COL5A3: variants seen among roughly 807,000 people sequenced by gnomAD.
COL5A3 encodes collagen alpha-3(V) chain.
A neutral mutation model predicts 250.0 loss-of-function variants in COL5A3; 172 were observed. The observed-to-expected ratio is 0.69, with a 90% confidence interval of 0.61 to 0.78. The LOEUF is 0.78. COL5A3 is among the 30% of genes least tolerant of loss of function. The pLI is 0.00. For missense variants in COL5A3, 2,340 were observed against 2,334.4 expected (o/e 1.00, Z -0.05); for synonymous variants, 937 against 900.4 (o/e 1.04, Z -0.73).
chr19:9,986,510 A>C (rs2145109019), intron 29 of COL5A3, 43 bp downstream of exon 29: 1 of 1,535,054 alleles, frequency 6.5e-7, no homozygotes, highest in Non-Finnish European at 8.8e-7. Context: ...ATCTTCCCCG[A>C]GCCCCCAGAC....
intron 56 of COL5A3, 58 bp from the exon 57 acceptor site, chr19:9,969,460 C>A (rs541073553): frequency 1.9e-5 from 30 of 1,593,222 alleles, no homozygotes; most frequent in African/African-American, 2.7e-5. Flanking sequence ...AGTGTGGACC[C>A]CCCCCCGACC....
intron 3 of COL5A3, 24 bp from the exon 4 acceptor site, chr19:10,005,738 G>A (rs534098987): frequency 2.5e-5 from 40 of 1,600,290 alleles, no homozygotes; most frequent in East Asian, 2.0e-4. Flanking sequence ...GCCTCAGTGC[G>A]GGTGCTTCTC....
chr19:9,996,015 C>A, intron 15 of COL5A3, 51 bp downstream of exon 15: 1 of 1,468,662 alleles, frequency 6.8e-7, no homozygotes, highest in Non-Finnish European at 9.1e-7. Flanking sequence ...TCTTGTGGTC[C>A]TGGGGGAAGG....
chr19:9,981,939 G>A (rs1406997211), intron 32 of COL5A3, 126 bp downstream of exon 32: 5 of 756,602 alleles, frequency 6.6e-6, no homozygotes, highest in South Asian at 1.5e-5. Context: ...ATAATAGCAT[G>A]TGTGCACACA....
intron 31 of COL5A3, among the ~76,000 whole-genome samples, chr19:9,984,312 T>G (rs550483020): frequency 6.6e-6 from 1 of 152,274 alleles, no homozygotes; most frequent in South Asian, 2.1e-4. Context: ...CATGAGCCAC[T>G]GCGCCCAGCC....
chr19:10,005,400 G>T (rs11085529), intron 4 of COL5A3, among the ~76,000 whole-genome samples, 158 bp downstream of exon 4: 54 of 152,076 alleles, frequency 3.6e-4, no homozygotes, highest in Non-Finnish European at 7.3e-5. Context: ...CACAATCACA[G>T]GCTGCAACGG....
chr19:9,992,983 C>A, intron 20 of COL5A3, 40 bp downstream of exon 20: 2 of 1,611,450 alleles, frequency 1.2e-6, no homozygotes, highest in East Asian at 4.5e-5. Context: ...GACTCCCTCC[C>A]CTGCACCAAG....
chr19:10,005,946 A>G lies in COL5A3; in HGVS notation c.287T>C (p.Leu96Ser), dbSNP rs750754758. 1.4e-5 allele frequency: 23 copies of G among 1,614,040 alleles called. No individual in the cohort carries two copies. The highest frequency in any genetic ancestry group is 1.9e-5 in the Non-Finnish European group (23 of 1,179,976). The change falls in exon 3 of 67, where the codon TTG (leucine) becomes TCG (serine). Residue 96 changes from leucine to serine, a missense_variant. Transcript: ENST00000264828. The stretch of plus-strand genomic sequence containing the variant: ...AGACTGATTGGCTGGCTGTCCCCGC[A>G]AGGTGATCAGCAAGGAGAAGTTCTC... ...FPENFSLLIT[L>S]RGQPANQSVL...
At chr19:9,977,199 C>A (rs755549385) in intron 44 of COL5A3, 30 bp downstream of exon 44, 2 of 1,609,728 alleles carry the variant, frequency 1.2e-6, no homozygotes, top group East Asian at 2.2e-5. Flanking sequence ...CTACCCACCC[C>A]ACCCTGCCCC....
chr19:9,966,382 A>G lies in COL5A3; in HGVS notation c.4714T>C (p.Phe1572Leu). Residue 1572 changes from phenylalanine to leucine, a missense_variant, in exon 64 of 67, where the codon TTC becomes CTC. Phe to Leu is a conservative substitution (Grantham distance 22). Coordinates refer to ENST00000264828, the MANE Select transcript of COL5A3 (RefSeq NM_015719.4). ...DPNQGCARDS[F>L]RVFCNFTAGG... ...GCCGTGAAGTTGCAAAAAACCCTGAACGAGTCCCGCGCGCAGCCCTGGTTG... is the reference window on the plus strand; with the variant it reads ...GCCGTGAAGTTGCAAAAAACCCTGAGCGAGTCCCGCGCGCAGCCCTGGTTG... The G allele has an allele frequency of 6.2e-7, 1 of 1,609,958 alleles. No individual in the cohort carries two copies.
At chr19:9,995,260 T>C (rs1004735568) in intron 16 of COL5A3, among the ~76,000 whole-genome samples, 2 of 152,220 alleles carry the variant, frequency 1.3e-5, no homozygotes, top group African/African-American at 4.8e-5. Context: ...GAAGTTGACT[T>C]GTTTGTCATT....
In COL5A3 at chr19:9,968,355, C is replaced by T; in HGVS notation, c.4314+30G>A. The T allele has an allele frequency of 6.6e-7, 1 of 1,504,002 alleles. No homozygotes were observed. Among genetic ancestry groups the T allele is most frequent in the Admixed American group, 1.9e-5 (1 of 53,526 alleles). The allele number at this position is 1,504,002 out of a possible 1,614,324, so 93.2% of individuals were successfully genotyped here. On this transcript the variant is annotated intron_variant, in intron 59 of 66. Coordinates refer to ENST00000264828, the MANE Select transcript of COL5A3 (RefSeq NM_015719.4). The surrounding 1 kb of genome is among the most constrained non-coding windows in gnomAD (Gnocchi z 4.1). ...CTCAACCGACCCCCTCCTTCAAATGCATTCTTCCCGCTCAGGTCAGGACAC... is the reference window on the plus strand; with the variant it reads ...CTCAACCGACCCCCTCCTTCAAATGTATTCTTCCCGCTCAGGTCAGGACAC...
chr19:9,970,579 G>A, intron 54 of COL5A3, 43 bp downstream of exon 54: 1 of 1,320,142 alleles, frequency 7.6e-7, no homozygotes, highest in Non-Finnish European at 9.9e-7. Context: ...GTGAGTGGGG[G>A]CTGTAGATAA....
chr19:9,988,390 A>C (rs1036132799), intron 27 of COL5A3, among the ~76,000 whole-genome samples: 1 of 152,182 alleles, frequency 6.6e-6, no homozygotes, highest in Non-Finnish European at 1.5e-5. Context: ...GTTCAGGTAA[A>C]TTACATCTGT....
In COL5A3 at chr19:9,969,889, C is replaced by T; in HGVS notation, c.3970G>A (p.Glu1324Lys). Residue 1324 changes from glutamate to lysine, a missense_variant, in exon 55 of 67, where the codon GAA becomes AAA. Glu to Lys is a moderately conservative substitution (Grantham distance 56). Around this residue, in one of 3 missense-constraint regions of COL5A3, gnomAD observed 1,179 missense variants for 1,162.6 expected, o/e 1.01. Transcript: ENST00000264828. ...CTCACCTTGGCACCTTTCTCCCCTT[C>T]TCTGCCTTCTCGACCCATGTGGCCT... is the stretch of plus-strand genomic sequence containing the variant. ...PSGHMGREGR[E>K]GEKGAKGEPG... is the part of the protein sequence containing the mutation. The T allele has an allele frequency of 1.2e-6, 2 of 1,613,770 alleles. No individual in the cohort carries two copies. Among genetic ancestry groups the T allele is most frequent in the Non-Finnish European group, 1.7e-6 (2 of 1,179,928 alleles).
chr19:9,964,402 C>T (rs2086709930), intron 64 of COL5A3, among the ~76,000 whole-genome samples: 1 of 152,040 alleles, frequency 6.6e-6, no homozygotes, highest in Non-Finnish European at 1.5e-5. Context: ...GAGTTCAAGA[C>T]CAGCCTGGGC....
chr19:9,987,582 CA>C (rs111362937), intron 27 of COL5A3, among the ~76,000 whole-genome samples: 24,032 of 147,656 alleles, frequency 0.16, 2,602 homozygotes, highest in African/African-American at 0.31. Context: ...ACAAAAAGTA[CA>C]AAAAAAAAAG....
intron 22 of COL5A3, 41 bp from the exon 23 acceptor site, chr19:9,991,882 A>T: frequency 6.3e-7 from 1 of 1,597,248 alleles, no homozygotes; most frequent in East Asian, 2.2e-5. Flanking sequence ...AAGAGGGGTC[A>T]TGGTGTTGGG....
In COL5A3 at chr19:9,967,351, G is replaced by C; in HGVS notation, c.4454C>G (p.Pro1485Arg). The change falls in exon 62 of 67, where the codon CCC becomes CGC. Residue 1485 changes from proline (P) to arginine (R), a missense_variant. Coordinates refer to ENST00000264828, the MANE Select transcript of COL5A3 (RefSeq NM_015719.4). ...CCCGCCCCCCGGGGAACTCACCGGG[G>C]GGCCTGGTGGGCCTGCAGGTCCAGT... ...GDTGPAGPPG[P>R]PGAPAELHGL... is the part of the protein sequence containing the mutation. 6.9e-7 allele frequency: 1 copy of C among 1,440,744 alleles called. No homozygotes were observed. Among genetic ancestry groups the C allele is most frequent in the Non-Finnish European group, 9.1e-7 (1 of 1,102,584 alleles). 89.2% of individuals were successfully genotyped at this position (1,440,744 alleles called of 1,614,324 possible). A position where few individuals can be genotyped will look rare whatever the true frequency, so the allele number is the denominator to read the frequency against.
Sources: gnomAD v4.1 joint callset for allele counts (sites outside exome capture counted in the v4.1 genomes callset) on GRCh38, gnomAD v4.1.1 for gene constraint, gnomAD v4.1.1 regional missense constraint, Gnocchi (gnomAD v3.1) non-coding constraint, MANE v1.5 for transcripts, NCBI Gene and HGNC (gene_info 2026-07-23, HGNC 2026-07-21) for gene names.